DACH1: variants seen among roughly 807,000 people sequenced by gnomAD.
The protein encoded by DACH1 is dachshund homolog 1.
Under a neutral mutation model 54.2 loss-of-function variants are expected in DACH1, and 12 were observed. The ratio of observed to expected loss-of-function variants is 0.22; its 90% CI spans 0.14 to 0.36. The LOEUF (loss-of-function observed/expected upper bound fraction) is 0.36, where lower values mean the gene tolerates loss of function less well. Among genes scored for constraint, DACH1 ranks in the 10% least tolerant of loss-of-function variants. The pLI is 1.00. For missense variants in DACH1, 805 were observed against 929.8 expected (o/e 0.87, Z 1.75); for synonymous variants, 386 against 366.2 (o/e 1.05, Z -0.62).
chr13:71,562,324 G>A (rs372303821), intron 4 of DACH1, among the ~76,000 whole-genome samples: 72 of 152,212 alleles, frequency 4.7e-4, no homozygotes, highest in African/African-American at 1.6e-3. Flanking sequence ...AGTTATGTGG[G>A]GTTTCCACTT....
At chr13:71,570,158 C>T (rs879679401) in intron 4 of DACH1, among the ~76,000 whole-genome samples, 18 of 152,290 alleles carry the variant, frequency 1.2e-4, no homozygotes, top group Non-Finnish European at 2.4e-4. Context: ...GATTTGTTAA[C>T]TTCTCCTCTC....
rs1324498031 is a variant in DACH1, at chr13:71,749,414, A to AT, written c.849-67505dup. On this transcript the variant is annotated intron_variant, in intron 1 of 10. Coordinates refer to ENST00000613252, the MANE Select transcript of DACH1 (RefSeq NM_080759.6). ...AATGTATAATTTGAGAACACACTAG[A>AT]TTTTTTTTGAGGGGGGGGCATTTGT... Among the ~76,000 whole-genome samples, 7 of 151,888 alleles carry AT rather than the reference A, an allele frequency of 4.6e-5. No homozygotes were observed. The South Asian group carries it at 1.2e-3, about 27-fold the overall frequency.
chr13:71,733,173 G>GT (rs1883827776), intron 1 of DACH1, among the ~76,000 whole-genome samples: 1 of 152,094 alleles, frequency 6.6e-6, no homozygotes, highest in Non-Finnish European at 1.5e-5. Flanking sequence ...TTTGGTTATT[G>GT]TTTTTTGAGA....
chr13:71,554,050 T>G (rs1289512932), intron 6 of DACH1, among the ~76,000 whole-genome samples: 2 of 152,060 alleles, frequency 1.3e-5, no homozygotes, highest in African/African-American at 2.4e-5. Flanking sequence ...TCCACAAATA[T>G]CTATCTCTAA....
chr13:71,589,994 T>C (rs1380633002), intron 3 of DACH1, among the ~76,000 whole-genome samples: 1 of 152,048 alleles, frequency 6.6e-6, no homozygotes, highest in Non-Finnish European at 1.5e-5. Flanking sequence ...ATATAGTCAG[T>C]GTTAAACTTC....
intron 8 of DACH1, among the ~76,000 whole-genome samples, chr13:71,478,351 C>T (rs1214355714): frequency 1.3e-5 from 2 of 152,106 alleles, no homozygotes; most frequent in African/African-American, 4.8e-5. Flanking sequence ...CTGGTAAATC[C>T]TGCTAGTTTA....
At chr13:71,780,005 GGAATGAAT>G (rs201886906) in intron 1 of DACH1, among the ~76,000 whole-genome samples, 42 of 149,966 alleles carry the variant, frequency 2.8e-4, no homozygotes, top group Non-Finnish European at 4.9e-4. Flanking sequence ...TATGAAGGAA[GGAATGAAT>G]GAATGAATGA....
chr13:71,811,972 T>A (rs1887730748), intron 1 of DACH1, among the ~76,000 whole-genome samples: 1 of 152,192 alleles, frequency 6.6e-6, no homozygotes, highest in South Asian at 2.1e-4. Flanking sequence ...GTACTTTACT[T>A]TTTTTCTGTC....
intron 1 of DACH1, among the ~76,000 whole-genome samples, chr13:71,859,862 C>CA (rs1405642724): frequency 6.6e-6 from 1 of 151,690 alleles, no homozygotes. Context: ...GCCACAGTAG[C>CA]AAAAATTACT....
chr13:71,862,927 A>G (rs1874451870), intron 1 of DACH1, among the ~76,000 whole-genome samples: 1 of 152,070 alleles, frequency 6.6e-6, no homozygotes, highest in African/African-American at 2.4e-5. Context: ...ACACACATAT[A>G]TGGGTGTATA....
At position 71,475,172 on chromosome 13, in the gene DACH1, G is replaced by A. The variant is rs1466581914; in HGVS notation, c.2052C>T (p.Gly684=). Reference sequence around the variant, plus strand: ...TTGTCCTTTCAGCATCTGTTCTGCCGCCACTGCGGTCAGCCTCTATCTCTG... The same window carrying A: ...TTGTCCTTTCAGCATCTGTTCTGCCACCACTGCGGTCAGCCTCTATCTCTG... ...LTPEIEADRS[G]GRTDAERTIQ... The change falls in exon 10 of 11, where the codon GGC becomes GGT. Residue 684 remains glycine, a synonymous_variant. Transcript: ENST00000613252. 3.7e-6 allele frequency: 6 copies of A among 1,613,670 alleles called. No homozygotes were observed. The highest frequency in any genetic ancestry group is 1.3e-5 in the African/African-American group (1 of 74,876).
chr13:71,683,114 AATT>A (rs1880993750), intron 1 of DACH1, among the ~76,000 whole-genome samples: 1 of 152,120 alleles, frequency 6.6e-6, no homozygotes, highest in South Asian at 2.1e-4. Flanking sequence ...TTGAGCAAAT[AATT>A]ATTAAGTACC....
At chr13:71,678,421 A>C (rs993992261) in intron 2 of DACH1, among the ~76,000 whole-genome samples, 9 of 152,220 alleles carry the variant, frequency 5.9e-5, no homozygotes, top group Non-Finnish European at 8.8e-5. Flanking sequence ...ATCATACTGA[A>C]TATATGAAGG....
At chr13:71,650,563 G>A (rs1483891243) in intron 2 of DACH1, among the ~76,000 whole-genome samples, 1 of 152,080 alleles carries the variant, frequency 6.6e-6, no homozygotes, top group Non-Finnish European at 1.5e-5. Context: ...TTCAGAGTAT[G>A]TGGTAAATAG....
intron 3 of DACH1, among the ~76,000 whole-genome samples, chr13:71,607,936 G>A (rs1874998510): frequency 6.6e-6 from 1 of 151,950 alleles, no homozygotes; most frequent in Non-Finnish European, 1.5e-5. Flanking sequence ...TGAAGATACT[G>A]ATGCCCAGAA....
chr13:71,779,507 C>T (rs555539292), intron 1 of DACH1, among the ~76,000 whole-genome samples: 1 of 151,760 alleles, frequency 6.6e-6, no homozygotes, highest in South Asian at 2.1e-4. Flanking sequence ...ATTAATTTCT[C>T]TGGACCTCCA....
intron 3 of DACH1, among the ~76,000 whole-genome samples, chr13:71,588,735 C>T (rs1360165737): frequency 6.1e-5 from 9 of 148,292 alleles, no homozygotes; most frequent in Admixed American, 1.4e-4. Flanking sequence ...AAACACTAAG[C>T]CATTAAATGA....
intron 10 of DACH1, among the ~76,000 whole-genome samples, chr13:71,454,981 G>A (rs191445355): frequency 3.1e-4 from 47 of 152,284 alleles, no homozygotes; most frequent in African/African-American, 1.1e-3. Flanking sequence ...TAGTGTGTTA[G>A]TACCTCTGTT....
chr13:71,500,639 A>C (rs1223155283), intron 6 of DACH1, among the ~76,000 whole-genome samples: 2 of 152,302 alleles, frequency 1.3e-5, no homozygotes, highest in East Asian at 3.9e-4. Flanking sequence ...AAAGTTTTTC[A>C]AACCCAAGTC....
Sources: gnomAD v4.1 joint callset for allele counts (sites outside exome capture counted in the v4.1 genomes callset) on GRCh38, gnomAD v4.1.1 for gene constraint, MANE v1.5 for transcripts, NCBI Gene and HGNC (gene_info 2026-07-23, HGNC 2026-07-21) for gene names.